DNAH8: variants seen among roughly 807,000 people sequenced by gnomAD.
DNAH8 encodes the protein axonemal beta dynein heavy chain 8.
Under a neutral mutation model 562.1 loss-of-function variants are expected in DNAH8, and 382 were observed. The observed-to-expected ratio is 0.68, with a 90% CI of 0.63 to 0.74. The LOEUF is 0.74. Ranked by LOEUF, DNAH8 falls within the 30% of genes least tolerant of loss-of-function variation. The pLI is 0.00. For missense variants in DNAH8, 5,203 were observed against 5,620.4 expected, an observed-to-expected ratio of 0.93 and a Z score of 2.37; for synonymous variants, 1,881 against 1,919.4, an observed-to-expected ratio of 0.98 and a Z score of 0.52.
intron 41 of DNAH8, 54 bp from the exon 42 acceptor site, chr6:38,857,464 C>A (rs113207005): frequency 8.3e-7 from 1 of 1,199,196 alleles, no homozygotes; most frequent in Admixed American, 2.0e-5. Flanking sequence ...AATTTTATTG[C>A]AGATGTGCTT....
intron 36 of DNAH8, among the ~76,000 whole-genome samples, chr6:38,846,565 A>T (rs1454304464): frequency 6.6e-6 from 1 of 152,152 alleles, no homozygotes; most frequent in Non-Finnish European, 1.5e-5. Flanking sequence ...TTGCATAATG[A>T]CAAAGCTGCC....
At chr6:38,841,761 A>C (rs1248759765) in intron 33 of DNAH8, among the ~76,000 whole-genome samples, 1 of 151,822 alleles carries the variant, frequency 6.6e-6, no homozygotes, top group Non-Finnish European at 1.5e-5. Context: ...TCTGTTGCCC[A>C]GGCTGGAGTG....
chr6:38,764,595 A>C (rs1193173292), intron 11 of DNAH8: 1 of 152,266 alleles, frequency 6.6e-6, no homozygotes, highest in African/African-American at 2.4e-5. Flanking sequence ...GCCTGGCAGG[A>C]CAAAAGAGGA....
chr6:38,926,211 G>A lies in DNAH8; in HGVS notation c.11118+1G>A, dbSNP rs1274314761. 1 of 1,612,684 alleles carries A rather than the reference G, an allele frequency of 6.2e-7. No individual in the cohort carries two copies. The highest frequency in any genetic ancestry group is 1.3e-5 in the African/African-American group (1 of 74,838). ...AAAGGAAAAAGAAAATGATTTACAGGTATGTAGCATTTGGTGCAGGGGAAA... is the reference window on the plus strand; with the variant it reads ...AAAGGAAAAAGAAAATGATTTACAGATATGTAGCATTTGGTGCAGGGGAAA... On this transcript the variant is annotated splice_donor_variant, in intron 74 of 92. Transcript: ENST00000327475. LOFTEE classifies it high-confidence loss of function.
intron 11 of DNAH8, among the ~76,000 whole-genome samples, chr6:38,767,169 G>C (rs1350077336): frequency 6.6e-6 from 1 of 152,092 alleles, no homozygotes; most frequent in Non-Finnish European, 1.5e-5. Flanking sequence ...AGACGCGGTG[G>C]CTCACGCCTG....
At position 38,827,733 on chromosome 6, in the gene DNAH8, C is replaced by CTTTTTTTTTTTTTTTTTTTTTTTTTT. The variant is rs562852660; in HGVS notation, c.4084-438_4084-413dup. The stretch of plus-strand genomic sequence containing the variant: ...TGCAAAAGCTTAATTCTTTACCAAA[C>CTTTTTTTTTTTTTTTTTTTTTTTTTT]TTTTTTTTTTTTTTTTTTTTTTTTT... On this transcript the variant is annotated intron_variant, in intron 29 of 92. Coordinates refer to ENST00000327475, the MANE Select transcript of DNAH8 (RefSeq NM_001206927.2). 8.6e-4 allele frequency among the ~76,000 whole-genome samples: 45 copies of CTTTTTTTTTTTTTTTTTTTTTTTTTT among 52,244 alleles called. 22 individuals are homozygous for CTTTTTTTTTTTTTTTTTTTTTTTTTT. The highest frequency in any genetic ancestry group is 1.4e-3 in the South Asian group (2 of 1,454). 34.3% of individuals were successfully genotyped at this position (52,244 alleles called of 152,430 possible).
Position 38,890,692 on chromosome 6 carries a change from C to T in DNAH8, c.8514C>T (p.Phe2838=), listed in dbSNP as rs754567678. The change falls in exon 58 of 93, where the codon TTC becomes TTT. Residue 2838 remains phenylalanine (F), a synonymous_variant. Coordinates refer to ENST00000327475, the MANE Select transcript of DNAH8 (RefSeq NM_001206927.2). Reference sequence around the variant, plus strand: ...GATACTTTGATCCTTGTAGAAGTTTCAAGCCTCAAATATGTGAGATGATTG... The same window carrying T: ...GATACTTTGATCCTTGTAGAAGTTTTAAGCCTCAAATATGTGAGATGATTG... ...GCGYFDPCRS[F]KPQICEMIVN... The T allele has an allele frequency of 1.5e-5, 25 of 1,613,690 alleles. No individual in the cohort carries two copies. Among genetic ancestry groups the T allele is most frequent in the Non-Finnish European group, 2.1e-5 (25 of 1,179,756 alleles).
At chr6:38,857,429 T>G in intron 41 of DNAH8, 89 bp from the exon 42 acceptor site, 1 of 816,332 alleles carries the variant, frequency 1.2e-6, no homozygotes, top group East Asian at 2.6e-5. Context: ...CATTTTTAGT[T>G]TAAAATGTGA....
rs1489897628 is a variant in DNAH8 at position 38,804,175 on chromosome 6, G to A, written c.3034+864G>A. Among the ~76,000 whole-genome samples, 19 of 152,194 alleles carry A rather than the reference G, an allele frequency of 1.2e-4. 1 individual carries two copies. The highest frequency in any genetic ancestry group is 1.2e-3 in the Admixed American group (19 of 15,284). On this transcript the variant is annotated intron_variant, in intron 22 of 92. Coordinates refer to ENST00000327475, the MANE Select transcript of DNAH8 (RefSeq NM_001206927.2). ...TTCAGTTTTATTAATAAGCCCGAGA[G>A]AGAAGCTGTTGAATTTGAATCCCCT... is the stretch of plus-strand genomic sequence containing the variant.
At chr6:38,973,896 A>C (rs1404331284) in intron 84 of DNAH8, 83 bp downstream of exon 84, 2 of 1,191,968 alleles carry the variant, frequency 1.7e-6, no homozygotes, top group Admixed American at 4.8e-5. Flanking sequence ...GGAACACAAC[A>C]GGGCTTTTTG....
Position 38,886,675 on chromosome 6 carries a change from C to T in DNAH8, c.8260-116C>T, listed in dbSNP as rs527814926. On this transcript the variant is annotated intron_variant, in intron 56 of 92. Coordinates refer to ENST00000327475, the MANE Select transcript of DNAH8 (RefSeq NM_001206927.2). ...GAAGGTGATCATCGACATTCACAAA[C>T]ACTTCATTGATAAGAGTTTAATGTT... 5.1e-5 allele frequency: 42 copies of T among 826,578 alleles called. No individual in the cohort carries two copies. In the South Asian group the frequency reaches 6.4e-4, roughly 13 times the overall value. 51.2% of individuals were successfully genotyped at this position (826,578 alleles called of 1,614,324 possible). A position where few individuals can be genotyped will look rare whatever the true frequency, so the allele number is the denominator to read the frequency against.
Position 38,775,297 on chromosome 6 carries a change from C to T in DNAH8, c.1765-457C>T, listed in dbSNP as rs535591746. Among the ~76,000 whole-genome samples the T allele has an allele frequency of 7.2e-5, 11 of 152,246 alleles. No individual in the cohort carries two copies. The East Asian group carries it at 1.9e-3, about 27-fold the overall frequency. On this transcript the variant is annotated intron_variant, in intron 12 of 92. Transcript: ENST00000327475. ...ATCAGGGGTCAGGAATGATTGCTGC[C>T]ATTATTCAAGCTTCTTGGACCAGTC... is the stretch of plus-strand genomic sequence containing the variant.
intron 76 of DNAH8, 43 bp downstream of exon 76, chr6:38,932,036 T>A: frequency 7.4e-7 from 1 of 1,351,306 alleles, no homozygotes; most frequent in Non-Finnish European, 9.8e-7. Context: ...TTATAATACA[T>A]GCTTAAAATG....
chr6:39,008,570 T>C (rs1047797730), intron 88 of DNAH8, among the ~76,000 whole-genome samples: 40 of 152,230 alleles, frequency 2.6e-4, no homozygotes, highest in African/African-American at 9.4e-4. Context: ...TGTTTTTGGG[T>C]CTCTTTCCTT....
intron 68 of DNAH8, 43 bp downstream of exon 68, chr6:38,915,420 G>A: frequency 7.1e-7 from 1 of 1,404,232 alleles, no homozygotes; most frequent in Non-Finnish European, 9.3e-7. Context: ...AGTCCTAGAA[G>A]GCTTCATGTT....
chr6:38,844,414 A>G (rs964074434), intron 35 of DNAH8, among the ~76,000 whole-genome samples: 2 of 152,308 alleles, frequency 1.3e-5, no homozygotes. Context: ...TCCCAAATAT[A>G]TGGTTTGGGT....
intron 53 of DNAH8, among the ~76,000 whole-genome samples, chr6:38,882,231 A>T (rs1327662124): frequency 6.6e-6 from 1 of 152,228 alleles, no homozygotes; most frequent in Non-Finnish European, 1.5e-5. Context: ...AAAGGAACGT[A>T]TATCATTCTA....
intron 24 of DNAH8, 119 bp from the exon 25 acceptor site, chr6:38,813,933 CTT>C: frequency 1.3e-6 from 1 of 750,152 alleles, no homozygotes; most frequent in South Asian, 1.5e-5. Flanking sequence ...GTAATATTCT[CTT>C]TGTGTAATTT....
Position 39,026,662 on chromosome 6 carries a change from C to G in DNAH8, c.13831C>G (p.Pro4611Ala), listed in dbSNP as rs145951114. Reference protein sequence around the residue: ...RQTKEEITSPPGEGVYIYGLY... With the variant: ...RQTKEEITSPAGEGVYIYGLY... ...GACCAAGGAGGAGATCACGTCACCC[C>G]CTGGGGTAGGCGTTGCTGGGCAATA... The change falls in exon 92 of 93, where the codon CCT becomes GCT. Residue 4611 changes from proline (P) to alanine (A), a missense_variant. Pro to Ala is a conservative substitution (Grantham distance 27). Transcript: ENST00000327475. The G allele has an allele frequency of 5.6e-6, 9 of 1,613,146 alleles. No homozygotes were observed. Among genetic ancestry groups the G allele is most frequent in the African/African-American group, 1.3e-5 (1 of 74,906 alleles).
Sources: gnomAD v4.1 joint callset for allele counts (sites outside exome capture counted in the v4.1 genomes callset) on GRCh38, gnomAD v4.1.1 for gene constraint, MANE v1.5 for transcripts, NCBI Gene and HGNC (gene_info 2026-07-23, HGNC 2026-07-21) for gene names.